SLC49A4: variants seen among roughly 807,000 people sequenced by gnomAD.
SLC49A4 encodes disrupted in renal cancer protein 2.
In SLC49A4, 36 loss-of-function variants were observed where a neutral mutation model predicts 50.6. The ratio of observed to expected loss-of-function variants is 0.71; its 90% CI spans 0.55 to 0.94. The LOEUF (loss-of-function observed/expected upper bound fraction) is 0.94. SLC49A4 is among the 40% of genes least tolerant of loss of function. The pLI, the probability that SLC49A4 is intolerant of heterozygous loss-of-function variation, is 0.00. For synonymous variants in SLC49A4, 248 were observed against 241.2 expected (o/e 1.03, Z -0.26); for missense variants, 503 against 605.7 (o/e 0.83, Z 1.78).
chr3:122,809,152 A>G (rs936748768), intron 2 of SLC49A4, among the ~76,000 whole-genome samples: 7 of 152,220 alleles, frequency 4.6e-5, no homozygotes, highest in Admixed American at 3.3e-4. Context: ...TTCAAAATAA[A>G]TGTTCAGTTT....
Position 122,817,661 on chromosome 3 carries a change from A to G in SLC49A4, c.438-9139A>G, listed in dbSNP as rs748636647. 5.3e-5 allele frequency among the ~76,000 whole-genome samples: 8 copies of G among 151,242 alleles called. No individual in the cohort carries two copies. The South Asian group carries it at 6.3e-4, about 12-fold the overall frequency. On this transcript the variant is annotated intron_variant, in intron 2 of 8. Transcript: ENST00000261038. ...GCCCAGGCAATTGTGGCTCACTGCA[A>G]CCTCAATCTCCTGGGCTCAAGCAAT...
At chr3:122,810,951 T>G (rs1042187849) in intron 2 of SLC49A4, among the ~76,000 whole-genome samples, 1 of 152,186 alleles carries the variant, frequency 6.6e-6, no homozygotes, top group African/African-American at 2.4e-5. Flanking sequence ...ATCAAAGACT[T>G]ACATGTAAAT....
intron 2 of SLC49A4, among the ~76,000 whole-genome samples, chr3:122,813,773 T>A (rs1022470899): frequency 5.3e-5 from 8 of 152,168 alleles, no homozygotes; most frequent in Non-Finnish European, 1.0e-4. Context: ...ACATATAATT[T>A]AAAAAATCAG....
chr3:122,852,184 G>GT (rs1250573586), intron 5 of SLC49A4, among the ~76,000 whole-genome samples: 6 of 151,904 alleles, frequency 3.9e-5, no homozygotes, highest in Non-Finnish European at 8.8e-5. Context: ...TAGAGACGGG[G>GT]TTTTGCCATG....
At position 122,845,836 on chromosome 3, in the gene SLC49A4, C is replaced by G. The variant is rs1336271472; in HGVS notation, c.907C>G (p.Leu303Val). ...LGVFAGWSGV[L>V]DLILTPAHVS... ...TGTATTTGCTGGCTGGTCTGGAGTT[C>G]TGGACTTAATTTTAACACCAGCGCA... Residue 303 changes from leucine to valine, a missense_variant, in exon 5 of 9, where the codon CTG becomes GTG. Coordinates refer to ENST00000261038, the MANE Select transcript of SLC49A4 (RefSeq NM_032839.3). 1.2e-6 allele frequency: 2 copies of G among 1,612,778 alleles called. No individual in the cohort carries two copies. Among genetic ancestry groups the G allele is most frequent in the Non-Finnish European group, 1.7e-6 (2 of 1,179,384 alleles).
chr3:122,874,499 A>C (rs1388361833), intron 8 of SLC49A4, among the ~76,000 whole-genome samples: 1 of 152,232 alleles, frequency 6.6e-6, no homozygotes, highest in Non-Finnish European at 1.5e-5. Context: ...CTTTTTGGTC[A>C]GTTTCTGACC....
chr3:122,861,840 A>G (rs147816970), intron 7 of SLC49A4, among the ~76,000 whole-genome samples: 2 of 152,326 alleles, frequency 1.3e-5, no homozygotes, highest in Non-Finnish European at 2.9e-5. Flanking sequence ...TAAGCTCACA[A>G]GGGCAGCACA....
chr3:122,815,502 A>G (rs1395627184), intron 2 of SLC49A4, among the ~76,000 whole-genome samples: 2 of 152,218 alleles, frequency 1.3e-5, no homozygotes, highest in African/African-American at 4.8e-5. Flanking sequence ...AGTTAAACTC[A>G]AGGATGCCAT....
chr3:122,819,075 C>T (rs985436250), intron 2 of SLC49A4, among the ~76,000 whole-genome samples: 8 of 151,336 alleles, frequency 5.3e-5, no homozygotes, highest in South Asian at 4.2e-4. Flanking sequence ...ATAGCAAGAC[C>T]CTGTCTCTAC....
chr3:122,837,333 A>G (rs887079717), intron 4 of SLC49A4, among the ~76,000 whole-genome samples: 4 of 152,230 alleles, frequency 2.6e-5, no homozygotes, highest in African/African-American at 9.7e-5. Context: ...TACAGTAACC[A>G]AAACAGCATG....
chr3:122,822,266 C>T (rs1246041050), intron 2 of SLC49A4, among the ~76,000 whole-genome samples: 3 of 152,136 alleles, frequency 2.0e-5, no homozygotes, highest in African/African-American at 7.2e-5. Flanking sequence ...GTACTAGTTT[C>T]TGAGAGCCAG....
intron 7 of SLC49A4, among the ~76,000 whole-genome samples, chr3:122,865,905 GATA>G (rs1937112584): frequency 6.6e-6 from 1 of 152,074 alleles, no homozygotes; most frequent in East Asian, 1.9e-4. Flanking sequence ...TACTCCTTAA[GATA>G]ATTATTATCT....
At position 122,833,328 on chromosome 3, in the gene SLC49A4, G is replaced by C; in HGVS notation, c.715G>C (p.Val239Leu). The C allele has an allele frequency of 6.2e-7, 1 of 1,612,700 alleles. No homozygotes were observed. The highest frequency in any genetic ancestry group is 8.5e-7 in the Non-Finnish European group (1 of 1,179,234). ...EAVLYAEFGV[V>L]CLIFSATLAY... ...TTTTTTTCTTTCAGAATTTGGAGTT[G>C]TCTGCTTAATATTTTCTGCAACACT... The change falls in exon 4 of 9, where the codon GTC becomes CTC. Residue 239 changes from valine (V) to leucine (L), a missense_variant. Coordinates refer to ENST00000261038, the MANE Select transcript of SLC49A4 (RefSeq NM_032839.3).
intron 2 of SLC49A4, among the ~76,000 whole-genome samples, chr3:122,808,777 G>A (rs1357271559): frequency 1.3e-5 from 2 of 152,200 alleles, no homozygotes; most frequent in East Asian, 3.8e-4. Flanking sequence ...GAGAGATGAT[G>A]GTGGCTTGGA....
At chr3:122,813,856 A>G (rs753142861) in intron 2 of SLC49A4, among the ~76,000 whole-genome samples, 34 of 152,204 alleles carry the variant, frequency 2.2e-4, no homozygotes, top group East Asian at 5.8e-4. Flanking sequence ...TATTAGTTTA[A>G]AAAAATGAAT....
rs148699575 is a variant in SLC49A4 at position 122,847,441 on chromosome 3, G to A, written c.942+1570G>A. On this transcript the variant is annotated intron_variant, in intron 5 of 8. Transcript: ENST00000261038. ...CAGCTCACTGCAAGCTCTGACTCCCGGGTTCACGCCATTCTTCTGCCTCAG... is the reference window on the plus strand; with the variant it reads ...CAGCTCACTGCAAGCTCTGACTCCCAGGTTCACGCCATTCTTCTGCCTCAG... Among the ~76,000 whole-genome samples the A allele has an allele frequency of 8.1e-3, 1,199 of 148,720 alleles. 17 individuals carry two copies. Among genetic ancestry groups the A allele is most frequent in the African/African-American group, 0.027 (1,099 of 40,306 alleles).
chr3:122,879,367 G>A lies in SLC49A4; in HGVS notation c.1426G>A (p.Val476Ile), dbSNP rs1215984033. 1 of 1,612,838 alleles carries A rather than the reference G, an allele frequency of 6.2e-7. No homozygotes were observed. The highest frequency in any genetic ancestry group is 8.5e-7 in the Non-Finnish European group (1 of 1,179,146). ...TGACAGACTCTATCTTGATGTGGTT[G>A]TCTCCGTTTAATAGCACAGACTTGA... is the stretch of plus-strand genomic sequence containing the variant. ...SYDRLYLDVV[V>I]SV The change falls in exon 9 of 9, where the codon GTC becomes ATC. Residue 476 changes from valine to isoleucine, a missense_variant. By Grantham distance (29) the Val-to-Ile change is conservative (BLOSUM62 3). Coordinates refer to ENST00000261038, the MANE Select transcript of SLC49A4 (RefSeq NM_032839.3).
chr3:122,809,423 T>G (rs1460421889), intron 2 of SLC49A4, among the ~76,000 whole-genome samples: 2 of 152,156 alleles, frequency 1.3e-5, no homozygotes, highest in Non-Finnish European at 2.9e-5. Context: ...ACTGCTTTCT[T>G]TTAAAATGCC....
At chr3:122,841,929 TC>T (rs1936776531) in intron 4 of SLC49A4, among the ~76,000 whole-genome samples, 1 of 132,822 alleles carries the variant, frequency 7.5e-6, no homozygotes, top group African/African-American at 2.6e-5. Context: ...ACATTGCCTT[TC>T]ACATAATAGG....
Sources: gnomAD v4.1 joint callset for allele counts (sites outside exome capture counted in the v4.1 genomes callset) on GRCh38, gnomAD v4.1.1 for gene constraint, MANE v1.5 for transcripts, NCBI Gene and HGNC (gene_info 2026-07-23, HGNC 2026-07-21) for gene names.